The following ABHD8 variants were observed in gnomAD, a reference collection of about 807,000 sequenced individuals.
The protein encoded by ABHD8 is protein ABHD8.
Under a neutral mutation model 29.3 loss-of-function variants are expected in ABHD8, and 10 were observed. That is an observed-to-expected ratio of 0.34 (90% CI 0.21 to 0.58). ABHD8 has a LOEUF of 0.58. Ranked by LOEUF, ABHD8 falls within the 20% of genes least tolerant of loss-of-function variation. The pLI, the probability that ABHD8 is intolerant of heterozygous loss-of-function variation, is 0.85. For synonymous variants in ABHD8, 282 were observed against 274.6 expected, an observed-to-expected ratio of 1.03 and a Z score of -0.27; for missense variants, 556 against 615.3, an observed-to-expected ratio of 0.90 and a Z score of 1.02.
intron 2 of ABHD8, among the ~76,000 whole-genome samples, chr19:17,300,367 C>G (rs181584188): frequency 6.6e-6 from 1 of 152,108 alleles, no homozygotes; most frequent in Admixed American, 6.6e-5. Flanking sequence ...CCTCACCTAG[C>G]TAATGTTTGT....
chr19:17,294,621 G>T, intron 3 of ABHD8, 54 bp downstream of exon 3: 1 of 1,608,384 alleles, frequency 6.2e-7, no homozygotes. Flanking sequence ...AACTCGAGCA[G>T]ATGCCTGGGT....
Position 17,301,062 on chromosome 19 carries a change from G to A in ABHD8, c.555C>T (p.Gly185=), listed in dbSNP as rs138354638. Reference sequence around the variant, plus strand: ...GCTCCTTCCAGATGGCCAGGGAACCGCCGACACCATGGATGAAAAAGAGCA... The same window carrying A: ...GCTCCTTCCAGATGGCCAGGGAACCACCGACACCATGGATGAAAAAGAGCA... ...DVVLFFIHGV[G]GSLAIWKEQL... is the part of the protein sequence containing the mutation. Residue 185 remains glycine, a synonymous_variant, in exon 2 of 5, where the codon GGC becomes GGT. Transcript: ENST00000247706. The A allele has an allele frequency of 4.0e-5, 65 of 1,613,532 alleles. No homozygotes were observed. The African/African-American group carries it at 7.6e-4, about 19-fold the overall frequency.
intron 2 of ABHD8, among the ~76,000 whole-genome samples, chr19:17,300,444 A>G (rs2074112255): frequency 1.3e-5 from 2 of 151,354 alleles, no homozygotes; most frequent in Non-Finnish European, 2.9e-5. Context: ...TTGCCTCAAG[A>G]TATCCTCCCG....
intron 2 of ABHD8, among the ~76,000 whole-genome samples, chr19:17,297,395 G>A (rs1019999312): frequency 5.6e-4 from 85 of 151,912 alleles, no homozygotes; most frequent in African/African-American, 2.0e-3. Flanking sequence ...TCATGGGTTC[G>A]AATGATTATC....
At chr19:17,294,981 T>A in intron 2 of ABHD8, 136 bp from the exon 3 acceptor site, 1 of 1,080,494 alleles carries the variant, frequency 9.3e-7, no homozygotes, top group Non-Finnish European at 1.3e-6. Flanking sequence ...TGGAATGCAG[T>A]GGCTCCATCT....
chr19:17,296,787 CG>C (rs2074095539), intron 2 of ABHD8: 1 of 151,480 alleles, frequency 6.6e-6, no homozygotes, highest in African/African-American at 2.4e-5. Flanking sequence ...CTCCGCCTCC[CG>C]GGTTCAAGTG....
rs779107395 is a variant in ABHD8 at position 17,300,999 on chromosome 19, C to CA, written c.617dup (p.Ala207GlyfsTer3). Reference sequence around the variant, plus strand: ...CCCCGTGGCCGGCCAGGTCAGGAGCCACCACCTCATAGCCTAGGCGCACAA... The same window carrying CA: ...CCCCGTGGCCGGCCAGGTCAGGAGCCAACCACCTCATAGCCTAGGCGCACAA... On this transcript the variant is annotated frameshift_variant, in exon 2 of 5. Coordinates refer to ENST00000247706, the MANE Select transcript of ABHD8 (RefSeq NM_024527.5). LOFTEE classifies it high-confidence loss of function. 1.2e-6 allele frequency: 2 copies of CA among 1,613,500 alleles called. No individual in the cohort carries two copies. Among genetic ancestry groups the CA allele is most frequent in the Non-Finnish European group, 1.7e-6 (2 of 1,180,030 alleles).
rs748998381 is a variant in ABHD8, at chr19:17,301,191, A to ACTGCCG, written c.420_425dup (p.Ser144_Gly145dup). ...CTCGCCGCCGCCGCCCACCACTGCC[A>ACTGCCG]CTGCCGCTGCCGCTGCCTGCGCTGC... On this transcript the variant is annotated inframe_insertion, in exon 2 of 5. Transcript: ENST00000247706. 118 of 1,604,476 alleles carry ACTGCCG rather than the reference A, an allele frequency of 7.4e-5. 1 individual carries two copies. The highest frequency in any genetic ancestry group is 1.8e-4 in the Admixed American group (11 of 59,578).
rs180825872 is a variant in ABHD8, at chr19:17,292,186, C to T, written c.*475G>A. ...AAGTTGAGATGTGCAGGTTCGGTGGCGCCAGCCCCCCCATCCCCCCCCCTT... is the reference window on the plus strand; with the variant it reads ...AAGTTGAGATGTGCAGGTTCGGTGGTGCCAGCCCCCCCATCCCCCCCCCTT... On this transcript the variant is annotated 3_prime_UTR_variant, in exon 5 of 5. Transcript: ENST00000247706. 227 of 184,636 alleles carry T rather than the reference C, an allele frequency of 1.2e-3. No individual in the cohort carries two copies. The highest frequency in any genetic ancestry group is 5.2e-3 in the African/African-American group (218 of 41,900). 11.4% of individuals were successfully genotyped at this position (184,636 alleles called of 1,614,324 possible). A position where few individuals can be genotyped will look rare whatever the true frequency, so the allele number is the denominator to read the frequency against.
At position 17,294,395 on chromosome 19, in the gene ABHD8, GC is replaced by G; in HGVS notation, c.1041del (p.Trp347CysfsTer44). 1.2e-6 allele frequency: 2 copies of G among 1,614,060 alleles called. No homozygotes were observed. Among genetic ancestry groups the G allele is most frequent in the Non-Finnish European group, 1.7e-6 (2 of 1,180,014 alleles). On this transcript the variant is annotated frameshift_variant, in exon 4 of 5. Transcript: ENST00000247706. LOFTEE classifies it high-confidence loss of function. ...VLRAMMSGQY[W>X]PEGDEVYHAE... ...GCGTGGTAGACCTCGTCGCCCTCGGGCCAGTACTGGCCGCTCATCATGGCCC... is the reference window on the plus strand; with the variant it reads ...GCGTGGTAGACCTCGTCGCCCTCGGGCAGTACTGGCCGCTCATCATGGCCC...
At chr19:17,293,159 A>ACG (rs1306969983) in intron 4 of ABHD8, among the ~76,000 whole-genome samples, 16 of 146,176 alleles carry the variant, frequency 1.1e-4, no homozygotes, top group Non-Finnish European at 1.9e-4. Flanking sequence ...GCAGTGGCGT[A>ACG]ATCTCGGCTC....
chr19:17,298,885 C>A (rs2074104564), intron 2 of ABHD8, among the ~76,000 whole-genome samples: 1 of 151,914 alleles, frequency 6.6e-6, no homozygotes, highest in Admixed American at 6.6e-5. Flanking sequence ...GGATTACAGG[C>A]ACACACCATC....
chr19:17,293,344 G>T (rs148142522), intron 4 of ABHD8, among the ~76,000 whole-genome samples: 2 of 151,836 alleles, frequency 1.3e-5, no homozygotes, highest in African/African-American at 2.4e-5. Context: ...CGATCTGCCC[G>T]CCTCGGTCTC....
Position 17,292,786 on chromosome 19 carries a change from T to C in ABHD8, c.1195A>G (p.Met399Val). 1 of 1,613,288 alleles carries C rather than the reference T, an allele frequency of 6.2e-7. No homozygotes were observed. The highest frequency in any genetic ancestry group is 1.1e-5 in the South Asian group (1 of 90,858). The change falls in exon 5 of 5, where the codon ATG (methionine) becomes GTG (valine). Residue 399 changes from methionine (M) to valine (V), a missense_variant. Physicochemically the swap from Met to Val is conservative, Grantham distance 21. Transcript: ENST00000247706. ...FLKLIDEGSH[M>V]VMLECPETVN... ...GTCTCAGGGCATTCCAGCATCACCA[T>C]GTGGCTGCCCTCGTCGATGAGCTTC...
At chr19:17,299,235 C>CCCG (rs1555720781) in intron 2 of ABHD8, among the ~76,000 whole-genome samples, 9 of 10,804 alleles carry the variant, frequency 8.3e-4, no homozygotes, top group African/African-American at 6.4e-3. Context: ...CATAATGAGA[C>CCCG]CCCCCCCCCA....
At position 17,292,189 on chromosome 19, in the gene ABHD8, C is replaced by CGT; in HGVS notation, c.*471_*472insAC. 1 of 189,176 alleles carries CGT rather than the reference C, an allele frequency of 5.3e-6. No individual in the cohort carries two copies. Among genetic ancestry groups the CGT allele is most frequent in the South Asian group, 1.8e-4 (1 of 5,698 alleles). The allele number at this position is 189,176 out of a possible 1,614,324, so 11.7% of individuals were successfully genotyped here. A position where few individuals can be genotyped will look rare whatever the true frequency, so the allele number is the denominator to read the frequency against. On this transcript the variant is annotated 3_prime_UTR_variant, in exon 5 of 5. Coordinates refer to ENST00000247706, the MANE Select transcript of ABHD8 (RefSeq NM_024527.5). Reference sequence around the variant, plus strand: ...TTGAGATGTGCAGGTTCGGTGGCGCCAGCCCCCCCATCCCCCCCCCTTGGG... The same window carrying CGT: ...TTGAGATGTGCAGGTTCGGTGGCGCCGTAGCCCCCCCATCCCCCCCCCTTGGG...
At position 17,301,464 on chromosome 19, in the gene ABHD8, G is replaced by A. The variant is rs540209346; in HGVS notation, c.153C>T (p.Pro51=). The A allele has an allele frequency of 2.5e-6, 4 of 1,611,636 alleles. No individual in the cohort carries two copies. The highest frequency in any genetic ancestry group is 1.1e-5 in the South Asian group (1 of 91,038). The change falls in exon 2 of 5, where the codon CCC becomes CCT. Residue 51 remains proline (P), a synonymous_variant. Coordinates refer to ENST00000247706, the MANE Select transcript of ABHD8 (RefSeq NM_024527.5). ...GRVLRVKHAG[P]APAAAPPPPS... ...GTGGAGGTGGGGCAGCGGCTGGGGC[G>A]GGTCCTGCATGCTTCACCCGCAGCA...
At position 17,292,849 on chromosome 19, in the gene ABHD8, C is replaced by G. The variant is rs756777122; in HGVS notation, c.1150-18G>C. The G allele has an allele frequency of 2.5e-6, 4 of 1,605,304 alleles. No individual in the cohort carries two copies. The Admixed American group carries it at 6.7e-5, about 27-fold the overall frequency. The stretch of plus-strand genomic sequence containing the variant: ...AGCAGGATCTGCAGAAGACGCAGGG[C>G]TCAAGGTAGGCGGGGGCAAGAGGGT... On this transcript the variant is annotated intron_variant, in intron 4 of 4. Transcript: ENST00000247706.
intron 2 of ABHD8, chr19:17,296,279 T>C (rs4808620): frequency 0.78 from 118,084 of 152,154 alleles, 46,870 homozygotes; most frequent in African/African-American, 0.82. Flanking sequence ...GTCTTGAACT[T>C]CTGGGCTCAA....
Sources: allele counts gnomAD v4.1 joint callset (sites outside exome capture counted in the v4.1 genomes callset), GRCh38; gene constraint gnomAD v4.1.1; transcripts MANE v1.5; gene names NCBI Gene and HGNC (gene_info 2026-07-23, HGNC 2026-07-21).